The following MYT1L variants were observed in gnomAD, a reference collection of about 807,000 sequenced individuals.
MYT1L encodes myelin transcription factor 1 like, also known as myelin transcription factor 1-like protein.
Under a neutral mutation model 126.7 loss-of-function variants are expected in MYT1L, and 12 were observed. That is an observed-to-expected ratio of 0.09 (90% CI 0.06 to 0.15). The LOEUF (loss-of-function observed/expected upper bound fraction) is 0.15. MYT1L is among the 10% of genes least tolerant of loss of function. The pLI, the probability that MYT1L is intolerant of heterozygous loss-of-function variation, is 1.00. For synonymous variants in MYT1L, 541 were observed against 604.2 expected, an observed-to-expected ratio of 0.90 and a Z score of 1.53; for missense variants, 979 against 1,585.2, an observed-to-expected ratio of 0.62 and a Z score of 6.49.
chr2:1,860,354 C>T (rs1211694277), intron 18 of MYT1L, among the ~76,000 whole-genome samples: 1 of 152,148 alleles, frequency 6.6e-6, no homozygotes, highest in African/African-American at 2.4e-5. Flanking sequence ...TGACGCAAGG[C>T]AACAGAAACG....
At chr2:2,028,310 T>C (rs2065854100) in intron 4 of MYT1L, among the ~76,000 whole-genome samples, 1 of 152,186 alleles carries the variant, frequency 6.6e-6, no homozygotes, top group Admixed American at 6.5e-5. Flanking sequence ...CAGGAGGCTG[T>C]GGGATTGTGG....
chr2:2,253,559 C>T (rs960811389), intron 2 of MYT1L, among the ~76,000 whole-genome samples: 1 of 152,106 alleles, frequency 6.6e-6, no homozygotes, highest in African/African-American at 2.4e-5. Flanking sequence ...CCAAGAAGGG[C>T]ATGCAAAGTA....
rs190269035 is a variant in MYT1L, at chr2:2,084,103, T to C, written c.-303-29980A>G. 3.2e-3 allele frequency among the ~76,000 whole-genome samples: 490 copies of C among 151,612 alleles called. 1 individual carries two copies. The highest frequency in any genetic ancestry group is 5.4e-3 in the Non-Finnish European group (365 of 67,932). ...AGACCACTCCATCAGTAAGCCCATG[T>C]GCTGATGACTTCCTATACTCATTTT... On this transcript the variant is annotated intron_variant, in intron 3 of 24. Coordinates refer to ENST00000647738, the MANE Select transcript of MYT1L (RefSeq NM_001303052.2).
chr2:2,055,965 A>G (rs1402339267), intron 3 of MYT1L, among the ~76,000 whole-genome samples: 2 of 152,356 alleles, frequency 1.3e-5, no homozygotes, highest in East Asian at 3.9e-4. Context: ...GGAGACCATC[A>G]GGCCATTCCT....
intron 2 of MYT1L, among the ~76,000 whole-genome samples, chr2:2,247,350 T>G (rs906575702): frequency 3.3e-5 from 5 of 152,184 alleles, no homozygotes; most frequent in Non-Finnish European, 5.9e-5. Flanking sequence ...CATATATATA[T>G]GCTCCCAACA....
At position 1,985,655 on chromosome 2, in the gene MYT1L, A is replaced by G. The variant is rs188540706; in HGVS notation, c.1-5878T>C. 1.8e-3 allele frequency among the ~76,000 whole-genome samples: 271 copies of G among 152,376 alleles called. 10 individuals carry two copies. Among genetic ancestry groups the G allele is most frequent in the Admixed American group, 0.016 (246 of 15,308 alleles). On this transcript the variant is annotated intron_variant, in intron 5 of 24. Coordinates refer to ENST00000647738, the MANE Select transcript of MYT1L (RefSeq NM_001303052.2). ...AAAAATAAATCCTTCTAAATGGCATAGTTTGAATGCTTAATAGACTTCTAT... is the reference window on the plus strand; with the variant it reads ...AAAAATAAATCCTTCTAAATGGCATGGTTTGAATGCTTAATAGACTTCTAT...
intron 8 of MYT1L, among the ~76,000 whole-genome samples, chr2:1,966,076 C>T (rs2059331589): frequency 6.6e-6 from 1 of 152,208 alleles, no homozygotes; most frequent in Admixed American, 6.5e-5. Context: ...GGCCCTGACA[C>T]CCCTAGAGGG....
chr2:1,996,212 C>A (rs2061822438), intron 5 of MYT1L, among the ~76,000 whole-genome samples: 1 of 152,250 alleles, frequency 6.6e-6, no homozygotes, highest in South Asian at 2.1e-4. Flanking sequence ...TCTTTTCTCA[C>A]ACGCAGAGAG....
rs140915835 is a variant in MYT1L, at chr2:2,201,817, C to T, written c.-420-28829G>A. Reference sequence around the variant, plus strand: ...TATTAACTTCTGGGTTTTCAAAACACTAAAACTTTTCTAAACAATATTTCC... The same window carrying T: ...TATTAACTTCTGGGTTTTCAAAACATTAAAACTTTTCTAAACAATATTTCC... On this transcript the variant is annotated intron_variant, in intron 2 of 24. Transcript: ENST00000647738. 2.0e-5 allele frequency among the ~76,000 whole-genome samples: 3 copies of T among 152,210 alleles called. No homozygotes were observed. The East Asian group carries it at 5.8e-4, about 29-fold the overall frequency.
chr2:2,209,724 G>A (rs933904512), intron 2 of MYT1L, among the ~76,000 whole-genome samples: 1 of 152,114 alleles, frequency 6.6e-6, no homozygotes. Context: ...GCTTCCAAAT[G>A]TTGGCTCTTG....
chr2:2,167,987 A>G (rs1041978780), intron 3 of MYT1L, among the ~76,000 whole-genome samples: 2 of 151,600 alleles, frequency 1.3e-5, no homozygotes, highest in Non-Finnish European at 2.9e-5. Context: ...TCACTTAACA[A>G]TGCATTTTAT....
At position 1,979,468 on chromosome 2, in the gene MYT1L, C is replaced by T. The variant is rs548047648; in HGVS notation, c.89+53G>A. 128 of 1,548,260 alleles carry T rather than the reference C, an allele frequency of 8.3e-5. No individual in the cohort carries two copies. In the Middle Eastern group the frequency reaches 8.4e-4, roughly 10 times the overall value. On this transcript the variant is annotated intron_variant, in intron 7 of 24. Coordinates refer to ENST00000647738, the MANE Select transcript of MYT1L (RefSeq NM_001303052.2). This position sits in a 1 kb window ranked among gnomAD's most constrained non-coding sequence, Gnocchi z 4.0. ...AAGGTGCAGTGTGCCCATTAGAAGG[C>T]GTGAATTTTCCAAACTGTTAATGGG... is the stretch of plus-strand genomic sequence containing the variant.
chr2:2,268,742 G>A (rs1572993560), intron 2 of MYT1L, among the ~76,000 whole-genome samples: 2 of 152,210 alleles, frequency 1.3e-5, no homozygotes, highest in Admixed American at 6.5e-5. Flanking sequence ...CGCGGCAGTT[G>A]TTAACCCTGA....
At chr2:2,318,771 T>C (rs1386454496) in intron 1 of MYT1L, among the ~76,000 whole-genome samples, 2 of 152,220 alleles carry the variant, frequency 1.3e-5, no homozygotes, top group East Asian at 3.9e-4. Context: ...TATTTCCTAT[T>C]ATATACAAGA....
intron 3 of MYT1L, among the ~76,000 whole-genome samples, chr2:2,063,633 C>T (rs182883656): frequency 1.3e-4 from 20 of 152,262 alleles, no homozygotes; most frequent in African/African-American, 4.3e-4. Context: ...CACCTGCGGT[C>T]GGGAGTTTGA....
chr2:2,048,211 G>A (rs1290630144), intron 4 of MYT1L, among the ~76,000 whole-genome samples: 1 of 151,696 alleles, frequency 6.6e-6, no homozygotes, highest in Non-Finnish European at 1.5e-5. Context: ...CCCACTCCAC[G>A]GTCTTCCAAT....
chr2:2,208,999 TACACACACAC>T (rs34194445), intron 2 of MYT1L, among the ~76,000 whole-genome samples: 1 of 149,986 alleles, frequency 6.7e-6, no homozygotes, highest in Admixed American at 6.7e-5. Context: ...GGGAGGCATT[TACACACACAC>T]ACACACACAC....
At chr2:2,216,056 T>C (rs1201593675) in intron 2 of MYT1L, among the ~76,000 whole-genome samples, 2 of 99,234 alleles carry the variant, frequency 2.0e-5, no homozygotes, top group East Asian at 4.8e-4. Context: ...TCTCTCTCTC[T>C]CTCTCTCTCA....
intron 2 of MYT1L, among the ~76,000 whole-genome samples, chr2:2,191,349 T>G (rs1301897800): frequency 6.6e-6 from 1 of 152,092 alleles, no homozygotes; most frequent in East Asian, 1.9e-4. Context: ...AAATACCATC[T>G]GCTTTTCATC....
Sources: allele counts gnomAD v4.1 joint callset (sites outside exome capture counted in the v4.1 genomes callset), GRCh38; gene constraint gnomAD v4.1.1; non-coding constraint Gnocchi (gnomAD v3.1); transcripts MANE v1.5; gene names NCBI Gene and HGNC (gene_info 2026-07-23, HGNC 2026-07-21).